KTN1: variants seen among roughly 807,000 people sequenced by gnomAD.
KTN1 encodes the protein kinectin.
A neutral mutation model predicts 222.5 loss-of-function variants in KTN1; 130 were observed. That is an observed-to-expected ratio of 0.58 (90% CI 0.51 to 0.68). The LOEUF (loss-of-function observed/expected upper bound fraction) is 0.68. Among genes scored for constraint, KTN1 ranks in the 30% least tolerant of loss-of-function variants. The pLI is 0.00. For synonymous variants in KTN1, 512 were observed against 496.3 expected (o/e 1.03, Z -0.42); for missense variants, 1,508 against 1,500.4 (o/e 1.01, Z -0.08).
At chr14:55,630,228 C>T (rs1406884815) in intron 7 of KTN1, 131 bp downstream of exon 7, 2 of 773,684 alleles carry the variant, frequency 2.6e-6, no homozygotes, top group Admixed American at 2.8e-5. Flanking sequence ...GTTCACTCTG[C>T]GTCCTAAGTA....
At chr14:55,667,211 A>G (rs371713289) in intron 33 of KTN1, 30 bp from the exon 34 acceptor site, 1 of 1,266,984 alleles carries the variant, frequency 7.9e-7, no homozygotes, top group Non-Finnish European at 1.1e-6. Context: ...GTGATCTTGT[A>G]AGTTTGATTT....
At chr14:55,622,877 T>G (rs1433305544) in intron 5 of KTN1, among the ~76,000 whole-genome samples, 1 of 152,246 alleles carries the variant, frequency 6.6e-6, no homozygotes, top group Non-Finnish European at 1.5e-5. Flanking sequence ...TTAACAGGTC[T>G]ATGTCCTGCC....
chr14:55,618,179 T>C (rs2038657335), intron 4 of KTN1, 45 bp downstream of exon 4: 1 of 1,407,656 alleles, frequency 7.1e-7, no homozygotes, highest in Admixed American at 2.0e-5. Context: ...TAAAAACACA[T>C]TTCTGAGTTC....
intron 1 of KTN1, among the ~76,000 whole-genome samples, chr14:55,594,363 A>G (rs2034661230): frequency 6.6e-6 from 1 of 152,130 alleles, no homozygotes; most frequent in Non-Finnish European, 1.5e-5. Context: ...GCATCACACT[A>G]ATTTATGATT....
In KTN1 at chr14:55,649,765, C is replaced by A; in HGVS notation, c.2368-11C>A. Reference sequence around the variant, plus strand: ...AACAAATTACTAAGTAGGATACTTTCCTATTTCCAGGTTTCTTTTGCCTCT... The same window carrying A: ...AACAAATTACTAAGTAGGATACTTTACTATTTCCAGGTTTCTTTTGCCTCT... On this transcript the variant is annotated splice_polypyrimidine_tract_variant and intron_variant, in intron 21 of 43. Coordinates refer to ENST00000395314, the MANE Select transcript of KTN1 (RefSeq NM_001079521.2). The A allele has an allele frequency of 6.8e-7, 1 of 1,464,090 alleles. No homozygotes were observed. Among genetic ancestry groups the A allele is most frequent in the Non-Finnish European group, 9.5e-7 (1 of 1,056,690 alleles). The allele number at this position is 1,464,090 out of a possible 1,614,324, so 90.7% of individuals were successfully genotyped here.
intron 33 of KTN1, among the ~76,000 whole-genome samples, chr14:55,664,746 A>T (rs542541024): frequency 2.0e-5 from 3 of 152,248 alleles, no homozygotes; most frequent in African/African-American, 7.2e-5. Context: ...ATGAATTGTA[A>T]TAGAGAAGTT....
At chr14:55,631,348 A>G (rs1292904081) in intron 7 of KTN1, among the ~76,000 whole-genome samples, 3 of 137,946 alleles carry the variant, frequency 2.2e-5, no homozygotes, top group Non-Finnish European at 4.6e-5. Flanking sequence ...GTTGATATAT[A>G]TATATATATA....
intron 8 of KTN1, among the ~76,000 whole-genome samples, chr14:55,633,840 A>C (rs1005211421): frequency 1.3e-5 from 2 of 152,076 alleles, no homozygotes; most frequent in South Asian, 2.1e-4. Context: ...AGGAGTCTAC[A>C]TATTAAGACA....
At chr14:55,598,961 T>A (rs1027127923) in intron 1 of KTN1, among the ~76,000 whole-genome samples, 4 of 152,206 alleles carry the variant, frequency 2.6e-5, no homozygotes, top group Non-Finnish European at 2.9e-5. Context: ...TATTGGACAT[T>A]CTCATGTATC....
intron 1 of KTN1, among the ~76,000 whole-genome samples, chr14:55,588,165 G>A (rs988390383): frequency 1.3e-5 from 2 of 152,054 alleles, no homozygotes; most frequent in African/African-American, 4.8e-5. Flanking sequence ...CATGTATATT[G>A]TACGTTATAT....
chr14:55,596,021 G>A (rs756954887), intron 1 of KTN1, among the ~76,000 whole-genome samples: 1 of 151,930 alleles, frequency 6.6e-6, no homozygotes, highest in Non-Finnish European at 1.5e-5. Flanking sequence ...TGGGTGTGGT[G>A]GCAGGCGCCT....
intron 1 of KTN1, among the ~76,000 whole-genome samples, chr14:55,581,225 C>T (rs1053303421): frequency 1.3e-5 from 2 of 152,168 alleles, no homozygotes; most frequent in African/African-American, 4.8e-5. Flanking sequence ...GCTGGGTGCA[C>T]TAGATGTGGG....
intron 12 of KTN1, 133 bp from the exon 13 acceptor site, chr14:55,639,052 A>G (rs2041466351): frequency 3.5e-6 from 2 of 575,604 alleles, no homozygotes; most frequent in South Asian, 5.5e-5. Context: ...TTGAACACTT[A>G]CCATGGGCCA....
chr14:55,590,018 A>AAAAC (rs2033834167), intron 1 of KTN1, among the ~76,000 whole-genome samples: 1 of 152,154 alleles, frequency 6.6e-6, no homozygotes, highest in Non-Finnish European at 1.5e-5. Context: ...AACAAAAAAA[A>AAAAC]CCACACATAC....
intron 1 of KTN1, among the ~76,000 whole-genome samples, chr14:55,602,727 G>A (rs2036165010): frequency 6.6e-6 from 1 of 151,996 alleles, no homozygotes; most frequent in Non-Finnish European, 1.5e-5. Context: ...GACTACAGGT[G>A]CATGCCACCA....
In KTN1 at chr14:55,656,137, A is replaced by G. The variant is rs901667878; in HGVS notation, c.2892+5A>G. On this transcript the variant is annotated splice_donor_5th_base_variant and intron_variant, in intron 29 of 43. Transcript: ENST00000395314. ...AGCAAAACACAGCTGTTACAGGTGAATATGGTGACTTAAAATTAATTATTT... is the reference window on the plus strand; with the variant it reads ...AGCAAAACACAGCTGTTACAGGTGAGTATGGTGACTTAAAATTAATTATTT... 2 of 1,547,504 alleles carry G rather than the reference A, an allele frequency of 1.3e-6. No homozygotes were observed. Among genetic ancestry groups the G allele is most frequent in the Admixed American group, 1.8e-5 (1 of 55,056 alleles).
intron 5 of KTN1, among the ~76,000 whole-genome samples, chr14:55,626,475 C>A (rs1309177192): frequency 6.6e-6 from 1 of 152,096 alleles, no homozygotes; most frequent in Non-Finnish European, 1.5e-5. Flanking sequence ...AGATTTTTAA[C>A]CACAGTTTTT....
At chr14:55,591,062 A>AT (rs141053349) in intron 1 of KTN1, among the ~76,000 whole-genome samples, 15,462 of 152,158 alleles carry the variant, frequency 0.1, 892 homozygotes, top group African/African-American at 0.14. Context: ...CCTGTTGGAC[A>AT]TTGGGTTTCT....
intron 9 of KTN1, among the ~76,000 whole-genome samples, chr14:55,635,301 A>T (rs34706911): frequency 0.36 from 54,060 of 151,998 alleles, 9,640 homozygotes; most frequent in South Asian, 0.4. Flanking sequence ...GAATTTTATC[A>T]TATATATGGG....
Sources: gnomAD v4.1 joint callset for allele counts (sites outside exome capture counted in the v4.1 genomes callset) on GRCh38, gnomAD v4.1.1 for gene constraint, MANE v1.5 for transcripts, NCBI Gene and HGNC (gene_info 2026-07-23, HGNC 2026-07-21) for gene names.